Variants in LUC7L observed in about 807,000 individuals in gnomAD.
LUC7L encodes the protein LUC7 like.
LUC7L carries 29 observed loss-of-function variants against 51.1 expected under a neutral mutation model. The observed-to-expected ratio is 0.57, with a 90% confidence interval of 0.42 to 0.77. The LOEUF is 0.77. Ranked by LOEUF, LUC7L falls within the 30% of genes least tolerant of loss-of-function variation. The pLI, the probability that LUC7L is intolerant of heterozygous loss-of-function variation, is 0.00. For missense variants in LUC7L, 403 were observed against 511.9 expected (o/e 0.79, Z 2.05); for synonymous variants, 181 against 180.7 (o/e 1.00, Z -0.01).
intron 5 of LUC7L, among the ~76,000 whole-genome samples, chr16:203,084 G>C (rs1420955718): frequency 6.6e-6 from 1 of 152,204 alleles, no homozygotes; most frequent in Non-Finnish European, 1.5e-5. Context: ...CCAGGAGTTG[G>C]AGGTTGCAGC....
At chr16:221,138 T>C (rs941390689) in intron 2 of LUC7L, among the ~76,000 whole-genome samples, 4 of 151,224 alleles carry the variant, frequency 2.6e-5, no homozygotes, top group Non-Finnish European at 1.5e-5. Context: ...TCCTGCCTCA[T>C]TCTCCCAAGT....
At chr16:210,256 C>T (rs1379550444) in intron 3 of LUC7L, among the ~76,000 whole-genome samples, 2 of 152,170 alleles carry the variant, frequency 1.3e-5, no homozygotes, top group Non-Finnish European at 2.9e-5. Context: ...CATTGCACTC[C>T]AGCCTGGGCA....
chr16:191,514 A>G (rs1188494053), intron 7 of LUC7L, among the ~76,000 whole-genome samples: 1 of 152,148 alleles, frequency 6.6e-6, no homozygotes, highest in Non-Finnish European at 1.5e-5. Context: ...TTTCTTCTAT[A>G]CTGTTTAAGT....
intron 2 of LUC7L, among the ~76,000 whole-genome samples, chr16:225,244 T>C (rs1248039945): frequency 6.6e-6 from 1 of 152,024 alleles, no homozygotes; most frequent in East Asian, 2.0e-4. Flanking sequence ...TCTCAGCACT[T>C]TGGGAGGCCA....
At position 196,141 on chromosome 16, in the gene LUC7L, C is replaced by T. The variant is rs572200721; in HGVS notation, c.687+2921G>A. Among the ~76,000 whole-genome samples the T allele has an allele frequency of 2.6e-5, 4 of 152,040 alleles. No homozygotes were observed. In the South Asian group the frequency reaches 8.3e-4, roughly 32 times the overall value. Reference sequence around the variant, plus strand: ...ACTACATTAGGGCCAAGCACTGTGGCCCACGCCTGTAATCCCAGCACTTTG... The same window carrying T: ...ACTACATTAGGGCCAAGCACTGTGGTCCACGCCTGTAATCCCAGCACTTTG... On this transcript the variant is annotated intron_variant, in intron 6 of 9. Transcript: ENST00000293872.
chr16:218,730 G>A (rs1292440272), intron 3 of LUC7L, among the ~76,000 whole-genome samples: 5 of 151,102 alleles, frequency 3.3e-5, no homozygotes, highest in African/African-American at 1.2e-4. Context: ...CAAAAAAACA[G>A]AAAAAAGAAT....
chr16:198,064 C>G (rs530022008), intron 6 of LUC7L, among the ~76,000 whole-genome samples: 47 of 151,758 alleles, frequency 3.1e-4, no homozygotes, highest in African/African-American at 1.1e-3. Context: ...GTCAGGAGAT[C>G]GAGACCATCC....
intron 2 of LUC7L, among the ~76,000 whole-genome samples, chr16:223,347 T>A (rs908614163): frequency 6.6e-6 from 1 of 151,618 alleles, no homozygotes; most frequent in Non-Finnish European, 1.5e-5. Flanking sequence ...AGACTCCGTC[T>A]CAAAAAAATA....
chr16:197,311 C>G (rs2049180186), intron 6 of LUC7L, among the ~76,000 whole-genome samples: 1 of 146,488 alleles, frequency 6.8e-6, no homozygotes, highest in Non-Finnish European at 1.5e-5. Context: ...CCTCCCAGGT[C>G]AAGCAATTAT....
intron 5 of LUC7L, among the ~76,000 whole-genome samples, chr16:201,585 G>C (rs903783352): frequency 6.6e-6 from 1 of 151,892 alleles, no homozygotes; most frequent in African/African-American, 2.4e-5. Flanking sequence ...GACTACAAGC[G>C]CACGCCGCCA....
chr16:206,272 A>C, intron 4 of LUC7L, 125 bp from the exon 5 acceptor site: 1 of 914,832 alleles, frequency 1.1e-6, no homozygotes, highest in Admixed American at 2.5e-5. Context: ...TCCACACTTA[A>C]CAATGAAGGC....
intron 5 of LUC7L, among the ~76,000 whole-genome samples, chr16:205,287 CT>C (rs2049450737): frequency 6.6e-6 from 1 of 152,202 alleles, no homozygotes; most frequent in Non-Finnish European, 1.5e-5. Flanking sequence ...ACAGCTGAGA[CT>C]AAAGCCAAGA....
At chr16:224,524 TA>T (rs544334106) in intron 2 of LUC7L, among the ~76,000 whole-genome samples, 12 of 93,762 alleles carry the variant, frequency 1.3e-4, no homozygotes, top group Non-Finnish European at 1.3e-4. Context: ...AGTCTCAAAA[TA>T]AAAAAAAAAG....
At position 199,187 on chromosome 16, in the gene LUC7L, G is replaced by T; in HGVS notation, c.562C>A (p.Arg188Ser). 6.2e-7 allele frequency: 1 copy of T among 1,609,264 alleles called. No homozygotes were observed. The highest frequency in any genetic ancestry group is 8.5e-7 in the Non-Finnish European group (1 of 1,176,046). Residue 188 changes from arginine (R) to serine (S), a missense_variant, in exon 6 of 10, where the codon CGT (arginine) becomes AGT (serine). Transcript: ENST00000293872. ...TAGGCTGAACAGACCTCGCAGACACGCAGCTTTTGCTGCTGAAAACTGGAT... is the reference window on the plus strand; with the variant it reads ...TAGGCTGAACAGACCTCGCAGACACTCAGCTTTTGCTGCTGAAAACTGGAT... ...PASSFQQQKL[R>S]VCEVCSAYLG...
intron 3 of LUC7L, among the ~76,000 whole-genome samples, chr16:218,918 C>T (rs1408306349): frequency 3.3e-5 from 4 of 122,604 alleles, no homozygotes; most frequent in African/African-American, 1.2e-4. Flanking sequence ...TAGTAAAACC[C>T]TGTCTCAAAA....
chr16:204,885 C>T lies in LUC7L; in HGVS notation c.510+1119G>A, dbSNP rs75062078. Among the ~76,000 whole-genome samples, 800 of 152,166 alleles carry T rather than the reference C, an allele frequency of 5.3e-3. 11 individuals are homozygous for T. The highest frequency in any genetic ancestry group is 0.018 in the African/African-American group (750 of 41,508). ...AAAGTTTATGGTATTGCACTAAACA[C>T]GATGAAAAACGCCTAGGAACCCTGT... On this transcript the variant is annotated intron_variant, in intron 5 of 9. Coordinates refer to ENST00000293872, the MANE Select transcript of LUC7L (RefSeq NM_201412.3).
Position 220,680 on chromosome 16 carries a change from C to A in LUC7L, c.224G>T (p.Ser75Ile), listed in dbSNP as rs1246590592. ...LALRADYEIA[S>I]KERDLFFELD... is the part of the protein sequence containing the mutation. ...TTCAAAAAACAGGTCTCTTTCTTTACTTGCAATCTCATAATCTGCTCGGAG... is the reference window on the plus strand; with the variant it reads ...TTCAAAAAACAGGTCTCTTTCTTTAATTGCAATCTCATAATCTGCTCGGAG... The change falls in exon 3 of 10, where the codon AGT becomes ATT. Residue 75 changes from serine (S) to isoleucine (I), a missense_variant. Transcript: ENST00000293872. The A allele has an allele frequency of 5.6e-6, 9 of 1,613,700 alleles. No individual in the cohort carries two copies. The highest frequency in any genetic ancestry group is 7.6e-6 in the Non-Finnish European group (9 of 1,179,790).
In LUC7L at chr16:227,549, G is replaced by A. The variant is rs538264364; in HGVS notation, c.62-213C>T. 7 of 1,389,466 alleles carry A rather than the reference G, an allele frequency of 5.0e-6. No individual in the cohort carries two copies. The East Asian group carries it at 1.7e-4, about 33-fold the overall frequency. The allele number at this position is 1,389,466 out of a possible 1,614,324, so 86.1% of individuals were successfully genotyped here. On this transcript the variant is annotated intron_variant, in intron 1 of 9. Transcript: ENST00000293872. Reference sequence around the variant, plus strand: ...TATATCATGGAGAATCACACTTAATGAGATCTGACTCCATCACTGTACCAA... The same window carrying A: ...TATATCATGGAGAATCACACTTAATAAGATCTGACTCCATCACTGTACCAA...
chr16:200,416 GAA>G (rs577587041), intron 5 of LUC7L, among the ~76,000 whole-genome samples: 1,792 of 119,108 alleles, frequency 0.015, 41 homozygotes, highest in African/African-American at 0.054. Context: ...CGTCTCAAAA[GAA>G]AAAAAAAAAA....
Sources: allele counts gnomAD v4.1 joint callset (sites outside exome capture counted in the v4.1 genomes callset), GRCh38; gene constraint gnomAD v4.1.1; transcripts MANE v1.5; gene names NCBI Gene and HGNC (gene_info 2026-07-23, HGNC 2026-07-21).